Variants in RNF135 observed in about 807,000 individuals in gnomAD.
The protein encoded by RNF135 is E3 ubiquitin-protein ligase RNF135.
In RNF135, 46 loss-of-function variants were observed where a neutral mutation model predicts 41.9. The observed-to-expected ratio is 1.10, with a 90% CI of 0.87 to 1.40. RNF135 has a LOEUF of 1.40. Ranked by LOEUF, RNF135 falls within the 40% of genes most tolerant of loss-of-function variation. The probability of loss-of-function intolerance (pLI) is 0.00; values close to 1 mark genes in which losing one functional copy is unlikely to be tolerated. For missense variants in RNF135, 539 were observed against 549.8 expected, an observed-to-expected ratio of 0.98 and a Z score of 0.20; for synonymous variants, 238 against 223.8, an observed-to-expected ratio of 1.06 and a Z score of -0.57.
the RNF135 span, chr17:30,959,969 C>G: frequency 7.1e-6 from 1 of 140,634 alleles, no homozygotes; most frequent in Non-Finnish European, 1.5e-5. Flanking sequence ...GCCTGGGTGA[C>G]AGAGTGAGAC....
In RNF135 at chr17:30,999,266, TAAG is replaced by T. The variant is rs1490198533; in HGVS notation, c.*78_*80del. ...CATCAATCAGGGTAGTAACTTGACT[TAAG>T]AATACCACTTTTTAGAAAAATTACG... is the stretch of plus-strand genomic sequence containing the variant. On this transcript the variant is annotated 3_prime_UTR_variant, in exon 5 of 5. Transcript: ENST00000328381. 4 of 1,503,336 alleles carry T rather than the reference TAAG, an allele frequency of 2.7e-6. No individual in the cohort carries two copies. In the African/African-American group the frequency reaches 5.5e-5, roughly 21 times the overall value. 93.1% of individuals were successfully genotyped at this position (1,503,336 alleles called of 1,614,324 possible). A position where few individuals can be genotyped will look rare whatever the true frequency, so the allele number is the denominator to read the frequency against.
the RNF135 span, among the ~76,000 whole-genome samples, chr17:30,962,177 G>A: frequency 2.0e-5 from 3 of 151,532 alleles, no homozygotes; most frequent in South Asian, 6.3e-4. Context: ...TGTGTCGCCA[G>A]GCTGGAGTGC....
At chr17:30,975,402 A>G (rs562384743) in intron 1 of RNF135, 5 of 765,344 alleles carry the variant, frequency 6.5e-6, no homozygotes, top group South Asian at 5.4e-5. Flanking sequence ...GGCTCAGAGG[A>G]TCTTCCTAAA....
chr17:30,988,152 G>A (rs374510388), intron 3 of RNF135, 46 bp downstream of exon 3: 5 of 1,585,274 alleles, frequency 3.2e-6, no homozygotes, highest in Non-Finnish European at 4.3e-6. Context: ...ATGGAAGTTG[G>A]GGGGAGTAGC....
upstream of RNF135, chr17:30,970,834 T>TG (rs1193934555): frequency 5.2e-6 from 3 of 581,286 alleles, no homozygotes; most frequent in Admixed American, 3.3e-5. Flanking sequence ...CGCGGCATGT[T>TG]GGTTTCCCAG....
intron 1 of RNF135, chr17:30,975,648 C>T (rs557577337): frequency 2.2e-5 from 27 of 1,217,166 alleles, no homozygotes; most frequent in Admixed American, 5.1e-5. Context: ...ACTCCACAAC[C>T]GCCAATACCG....
At chr17:30,989,554 C>T (rs1267857422) in intron 3 of RNF135, among the ~76,000 whole-genome samples, 6 of 152,322 alleles carry the variant, frequency 3.9e-5, no homozygotes, top group Middle Eastern at 3.4e-3. Context: ...AGACATTAGA[C>T]GTTAGCTCTG....
At chr17:30,965,578 A>T in the RNF135 span, 1 of 152,206 alleles carries the variant, frequency 6.6e-6, no homozygotes, top group Admixed American at 6.5e-5. Context: ...TCATTTGCTA[A>T]ACCTTGGCAA....
At chr17:30,978,753 GGCCT>G (rs1427595105) in intron 1 of RNF135, 1 of 126,810 alleles carries the variant, frequency 7.9e-6, no homozygotes, top group Non-Finnish European at 1.6e-5. Flanking sequence ...AGGACCCTGC[GGCCT>G]TCCGCAGTGT....
chr17:30,982,059 T>C (rs796766232), intron 1 of RNF135, among the ~76,000 whole-genome samples: 54 of 152,320 alleles, frequency 3.5e-4, no homozygotes, highest in African/African-American at 1.3e-3. Context: ...CCACCTATAT[T>C]GACTCAAGGA....
chr17:30,971,304 A>G lies in RNF135; in HGVS notation c.231A>G (p.Leu77=), dbSNP rs940632727. The G allele has an allele frequency of 1.3e-6, 2 of 1,532,610 alleles. No individual in the cohort carries two copies. Among genetic ancestry groups the G allele is most frequent in the African/African-American group, 2.8e-5 (2 of 70,452 alleles). The allele number at this position is 1,532,610 out of a possible 1,614,324, so 94.9% of individuals were successfully genotyped here. The stretch of plus-strand genomic sequence containing the variant: ...AGCCGCACCTGCGGAAGAACACGCT[A>G]CTGCAGGACCTGGCCGACAAGTACC... The part of the protein sequence containing the change: ...AQQPHLRKNT[L]LQDLADKYRR... Residue 77 remains leucine (L), a synonymous_variant, in exon 1 of 5, where the codon CTA becomes CTG. Coordinates refer to ENST00000328381, the MANE Select transcript of RNF135 (RefSeq NM_032322.4).
upstream of RNF135, chr17:30,970,953 A>G (rs1029184228): frequency 3.7e-5 from 51 of 1,363,946 alleles, no homozygotes; most frequent in African/African-American, 6.9e-4. Context: ...GCGCCAAGGA[A>G]GGAGGAGAAA....
At chr17:30,961,255 T>C in the RNF135 span, among the ~76,000 whole-genome samples, 2 of 152,176 alleles carry the variant, frequency 1.3e-5, no homozygotes, top group African/African-American at 4.8e-5. Flanking sequence ...TTCTGGTTCA[T>C]ACTGATGCAG....
intron 3 of RNF135, chr17:30,993,839 G>C: frequency 2.3e-6 from 2 of 858,826 alleles, no homozygotes; most frequent in Non-Finnish European, 3.7e-6. Context: ...TTTTGACACA[G>C]GTTCTCTGTT....
rs954546300 is a variant in RNF135 at position 30,981,810 on chromosome 17, A to G, written c.373-2807A>G. Among the ~76,000 whole-genome samples the G allele has an allele frequency of 2.0e-5, 3 of 152,240 alleles. No individual in the cohort carries two copies. In the East Asian group the frequency reaches 5.8e-4, roughly 29 times the overall value. ...GTGACTCTTGCAGACTACTAGAGGT[A>G]CCACCTTGGTGGTCTTGTATAAGAT... On this transcript the variant is annotated intron_variant, in intron 1 of 4. Coordinates refer to ENST00000328381, the MANE Select transcript of RNF135 (RefSeq NM_032322.4).
upstream of RNF135, among the ~76,000 whole-genome samples, chr17:30,969,559 T>C (rs970740357): frequency 4.7e-4 from 72 of 152,158 alleles, no homozygotes; most frequent in Non-Finnish European, 1.3e-4. Flanking sequence ...AATGGCCGGC[T>C]CAGTCGCCTT....
chr17:30,983,272 G>C (rs749761453), intron 1 of RNF135, among the ~76,000 whole-genome samples: 3 of 137,418 alleles, frequency 2.2e-5, no homozygotes, highest in African/African-American at 7.8e-5. Context: ...TTATATATCC[G>C]GAAGTGGAAT....
intron 4 of RNF135, 136 bp downstream of exon 4, chr17:30,997,467 G>A (rs532891503): frequency 1.4e-4 from 107 of 782,108 alleles, no homozygotes; most frequent in Non-Finnish European, 1.9e-4. Context: ...GTCCCTCCAC[G>A]GGGGGAGCTG....
the RNF135 span, among the ~76,000 whole-genome samples, chr17:30,963,643 T>A: frequency 7.2e-5 from 11 of 152,174 alleles, no homozygotes; most frequent in African/African-American, 2.4e-4. Context: ...ATATTCTGGA[T>A]ACTAGGAATA....
Sources: gnomAD v4.1 joint callset for allele counts (sites outside exome capture counted in the v4.1 genomes callset) on GRCh38, gnomAD v4.1.1 for gene constraint, MANE v1.5 for transcripts, NCBI Gene and HGNC (gene_info 2026-07-23, HGNC 2026-07-21) for gene names.